Variants in DNAH7 observed in about 807,000 individuals in gnomAD.
The protein encoded by DNAH7 is axonemal beta dynein heavy chain 7.
Under a neutral mutation model 444.6 loss-of-function variants are expected in DNAH7, and 397 were observed. The ratio of observed to expected loss-of-function variants is 0.89; its 90% confidence interval spans 0.82 to 0.97. The LOEUF (loss-of-function observed/expected upper bound fraction) is 0.97. Ranked by LOEUF, DNAH7 falls within the 50% of genes least tolerant of loss-of-function variation. The probability of loss-of-function intolerance (pLI) is 0.00; values close to 1 mark genes in which losing one functional copy is unlikely to be tolerated. For synonymous variants in DNAH7, 1,636 were observed against 1,624.4 expected (o/e 1.01, Z -0.17); for missense variants, 4,902 against 4,800.8 (o/e 1.02, Z -0.62).
chr2:195,844,525 GA>G (rs1201217183), intron 47 of DNAH7, among the ~76,000 whole-genome samples: 1 of 152,090 alleles, frequency 6.6e-6, no homozygotes, highest in African/African-American at 2.4e-5. Context: ...TACTAACCAG[GA>G]AACTACAGGT....
At chr2:195,865,044 C>G in intron 40 of DNAH7, 23 bp from the exon 41 acceptor site, 1 of 1,529,788 alleles carries the variant, frequency 6.5e-7, no homozygotes, top group African/African-American at 1.4e-5. Flanking sequence ...TAAAAAGCAG[C>G]TTTAGAAACT....
At chr2:195,807,855 T>C (rs1012887935) in intron 53 of DNAH7, among the ~76,000 whole-genome samples, 1 of 152,214 alleles carries the variant, frequency 6.6e-6, no homozygotes, top group South Asian at 2.1e-4. Flanking sequence ...AACATTTTTA[T>C]TACTAACAAG....
chr2:195,888,331 T>G lies in DNAH7; in HGVS notation c.5333A>C (p.Gln1778Pro). The G allele has an allele frequency of 6.2e-7, 1 of 1,611,008 alleles. No homozygotes were observed. The highest frequency in any genetic ancestry group is 8.5e-7 in the Non-Finnish European group (1 of 1,178,946). Residue 1778 changes from glutamine to proline, a missense_variant, in exon 33 of 65, where the codon CAA becomes CCA. Gln to Pro is a moderately conservative substitution (Grantham distance 76). Transcript: ENST00000312428. ...NLLPASVSVI[Q>P]KEFIMGLFDR... ...AAATAAGCCCATTATGAATTCCTTTTGAATAACACTGACTGACGCAGGTAA... is the reference window on the plus strand; with the variant it reads ...AAATAAGCCCATTATGAATTCCTTTGGAATAACACTGACTGACGCAGGTAA...
At chr2:195,964,875 TCA>T (rs1491547812) in intron 17 of DNAH7, among the ~76,000 whole-genome samples, 2 of 123,406 alleles carry the variant, frequency 1.6e-5, no homozygotes, top group Admixed American at 7.7e-5. Flanking sequence ...AGACTCCGTC[TCA>T]AAAAAAAAAA....
chr2:195,820,737 T>G (rs1697427052), intron 49 of DNAH7, among the ~76,000 whole-genome samples: 2 of 152,196 alleles, frequency 1.3e-5, no homozygotes, highest in South Asian at 4.1e-4. Context: ...CATTTTGGCA[T>G]ACCGAAATCT....
chr2:195,799,673 A>C (rs1218009445), intron 54 of DNAH7, among the ~76,000 whole-genome samples: 1 of 152,128 alleles, frequency 6.6e-6, no homozygotes, highest in Non-Finnish European at 1.5e-5. Context: ...TAGATAATAA[A>C]AGATTAGTGG....
intron 9 of DNAH7, among the ~76,000 whole-genome samples, chr2:196,015,084 A>T (rs1412637193): frequency 6.6e-6 from 1 of 152,040 alleles, no homozygotes; most frequent in African/African-American, 2.4e-5. Context: ...ACTTATCCAA[A>T]AGTGAAATTG....
chr2:195,875,302 T>C (rs1465603050), intron 38 of DNAH7, among the ~76,000 whole-genome samples: 1 of 152,100 alleles, frequency 6.6e-6, no homozygotes, highest in Non-Finnish European at 1.5e-5. Flanking sequence ...GAAGATGAGA[T>C]GCCCCAGGAC....
chr2:195,948,038 T>A (rs1689938977), intron 19 of DNAH7, among the ~76,000 whole-genome samples: 1 of 152,232 alleles, frequency 6.6e-6, no homozygotes, highest in Non-Finnish European at 1.5e-5. Flanking sequence ...ATTTCTCTAA[T>A]GACCAGTGAT....
chr2:196,058,211 C>G (rs1278303027), intron 1 of DNAH7, 95 bp from the exon 2 acceptor site: 1 of 848,788 alleles, frequency 1.2e-6, no homozygotes, highest in Admixed American at 2.9e-5. Flanking sequence ...TGTAAGCATA[C>G]ATCATCCAAA....
intron 1 of DNAH7, among the ~76,000 whole-genome samples, chr2:196,058,462 G>A (rs1221484063): frequency 6.6e-6 from 1 of 152,148 alleles, no homozygotes; most frequent in Non-Finnish European, 1.5e-5. Context: ...ATCCCCATGT[G>A]TCTCTCCACG....
At chr2:195,778,041 G>T in intron 58 of DNAH7, 56 bp from the exon 59 acceptor site, 4 of 1,393,930 alleles carry the variant, frequency 2.9e-6, no homozygotes, top group Non-Finnish European at 3.8e-6. Context: ...ACAGAATCGT[G>T]TTTCTTGTTT....
rs541725802 is a variant in DNAH7, at chr2:195,888,564, T to C, written c.5230-130A>G. The C allele has an allele frequency of 1.9e-5, 20 of 1,065,064 alleles. No homozygotes were observed. In the African/African-American group the frequency reaches 2.8e-4, roughly 15 times the overall value. The allele number at this position is 1,065,064 out of a possible 1,614,324, so 66.0% of individuals were successfully genotyped here. ...GGAAGCTTAATATTATATAATTTCA[T>C]GATGTCGATTTTTGTGTCTGACTTT... On this transcript the variant is annotated intron_variant, in intron 32 of 64. Coordinates refer to ENST00000312428, the MANE Select transcript of DNAH7 (RefSeq NM_018897.3).
At chr2:195,852,075 G>A (rs1699404674) in intron 46 of DNAH7, among the ~76,000 whole-genome samples, 2 of 152,050 alleles carry the variant, frequency 1.3e-5, no homozygotes, top group Non-Finnish European at 1.5e-5. Flanking sequence ...TGGCTAACAT[G>A]GTGAAACCCC....
At chr2:195,876,779 G>T in intron 36 of DNAH7, 80 bp from the exon 37 acceptor site, 1 of 954,258 alleles carries the variant, frequency 1.0e-6, no homozygotes, top group Non-Finnish European at 1.6e-6. Context: ...CATCATTACT[G>T]ATAGACTCGA....
At chr2:195,895,352 A>T (rs1434670353) in intron 29 of DNAH7, 128 bp from the exon 30 acceptor site, 1 of 582,450 alleles carries the variant, frequency 1.7e-6, no homozygotes, top group East Asian at 3.2e-5. Flanking sequence ...TTTATAGAGG[A>T]ATAGTTCACA....
chr2:195,970,869 C>G (rs1232323761), intron 16 of DNAH7, among the ~76,000 whole-genome samples: 1 of 152,100 alleles, frequency 6.6e-6, no homozygotes, highest in East Asian at 1.9e-4. Context: ...AAACTTATTG[C>G]TCTAGCCCAG....
chr2:195,813,799 A>G (rs931498790), intron 51 of DNAH7, among the ~76,000 whole-genome samples: 16 of 152,204 alleles, frequency 1.1e-4, no homozygotes, highest in African/African-American at 3.9e-4. Flanking sequence ...TTGAGGAGAG[A>G]GTTTCTGGGT....
rs371848120 is a variant in DNAH7, at chr2:195,873,605, T to C, written c.6376A>G (p.Ile2126Val). The C allele has an allele frequency of 6.6e-5, 97 of 1,480,582 alleles. No homozygotes were observed. The highest frequency in any genetic ancestry group is 9.9e-5 in the Admixed American group (4 of 40,266). 91.7% of individuals were successfully genotyped at this position (1,480,582 alleles called of 1,614,324 possible). Residue 2126 changes from isoleucine (I) to valine (V), a missense_variant, in exon 39 of 65, where the codon ATC becomes GTC. Ile to Val is a conservative substitution (Grantham distance 29). Coordinates refer to ENST00000312428, the MANE Select transcript of DNAH7 (RefSeq NM_018897.3). The part of the protein sequence containing the change: ...NEFSDKSMYT[I>V]FSRILTWHLE... ...TGCCAAGTTAAGATTCTAGAGAAGA[T>C]TGTATACATGGATTTATCACTAAAC... is the stretch of plus-strand genomic sequence containing the variant.
Sources: gnomAD v4.1 joint callset for allele counts (sites outside exome capture counted in the v4.1 genomes callset) on GRCh38, gnomAD v4.1.1 for gene constraint, MANE v1.5 for transcripts, NCBI Gene and HGNC (gene_info 2026-07-23, HGNC 2026-07-21) for gene names.